The following TANGO2 variants were observed in gnomAD, a reference collection of about 807,000 sequenced individuals.
TANGO2 encodes the protein transport and golgi organization 2 homolog, also known as transport and Golgi organization protein 2 homolog.
Under a neutral mutation model 39.1 loss-of-function variants are expected in TANGO2, and 26 were observed. The ratio of observed to expected loss-of-function variants is 0.67; its 90% CI spans 0.49 to 0.92. The LOEUF is 0.92. Among genes scored for constraint, TANGO2 ranks in the 40% least tolerant of loss-of-function variants. TANGO2 has a pLI of 0.00. For missense variants in TANGO2, 326 were observed against 360.1 expected (o/e 0.91, Z 0.77); for synonymous variants, 131 against 144.5 (o/e 0.91, Z 0.67).
At position 20,061,683 on chromosome 22, in the gene TANGO2, C is replaced by T. The variant is rs2048412055; in HGVS notation, c.605C>T (p.Ala202Val). The T allele has an allele frequency of 1.3e-6, 2 of 1,545,986 alleles. No homozygotes were observed. The highest frequency in any genetic ancestry group is 1.4e-5 in the African/African-American group (1 of 73,088). The change falls in exon 7 of 9, where the codon GCG becomes GTG. Residue 202 changes from alanine to valine, a missense_variant and splice_region_variant. By Grantham distance (64) the Ala-to-Val change is moderately conservative. Transcript: ENST00000327374. ...SLLDVLNNEE[A>V]QLPDPAIEDQ... ...CTGGATGTGCTCAACAATGAAGAGG[C>T]GTGAGTGGGCGGGTCCTGCTGGGGT...
chr22:20,044,798 T>C (rs1384592689), intron 3 of TANGO2, among the ~76,000 whole-genome samples: 1 of 152,180 alleles, frequency 6.6e-6, no homozygotes, highest in Non-Finnish European at 1.5e-5. Context: ...TTTTCATAGA[T>C]GAAGATGTGG....
rs771153031 is a variant in TANGO2, at chr22:20,056,797, C to T, written c.451+784C>T. On this transcript the variant is annotated intron_variant, in intron 6 of 8. Coordinates refer to ENST00000327374, the MANE Select transcript of TANGO2 (RefSeq NM_152906.7). ...ACTGTAGGGACCATAGCCTAGGTTC[C>T]GGGGACTGCTGGCTCACTCACTCCC... 137 of 456,642 alleles carry T rather than the reference C, an allele frequency of 3.0e-4. 3 individuals are homozygous for T. The highest frequency in any genetic ancestry group is 1.9e-3 in the South Asian group (123 of 64,564). The allele number at this position is 456,642 out of a possible 1,614,324, so 28.3% of individuals were successfully genotyped here. A position where few individuals can be genotyped will look rare whatever the true frequency, so the allele number is the denominator to read the frequency against.
intron 1 of TANGO2, among the ~76,000 whole-genome samples, chr22:20,034,452 T>G (rs2042462902): frequency 1.3e-5 from 2 of 152,208 alleles, no homozygotes; most frequent in South Asian, 4.1e-4. Flanking sequence ...CTTTGAAGTA[T>G]AGGATGAAGG....
At chr22:20,017,887 C>T (rs931728369), upstream of TANGO2, among the ~76,000 whole-genome samples, 4 of 152,202 alleles carry the variant, frequency 2.6e-5, no homozygotes, top group Non-Finnish European at 5.9e-5. Context: ...GACCCTGGCT[C>T]ACGCATGCTG....
chr22:20,051,789 G>GC (rs901825568), intron 3 of TANGO2, among the ~76,000 whole-genome samples: 5 of 152,216 alleles, frequency 3.3e-5, no homozygotes, highest in Admixed American at 2.0e-4. Context: ...GGTGGAGGTT[G>GC]CAGTGAACTG....
chr22:20,047,571 A>G (rs781240862), intron 3 of TANGO2, among the ~76,000 whole-genome samples: 4 of 152,054 alleles, frequency 2.6e-5, no homozygotes, highest in Non-Finnish European at 5.9e-5. Context: ...TGGGGGACAA[A>G]CATCCAAACT....
intron 6 of TANGO2, among the ~76,000 whole-genome samples, chr22:20,060,653 A>G (rs1250936961): frequency 1.3e-5 from 2 of 152,108 alleles, no homozygotes; most frequent in African/African-American, 4.8e-5. Flanking sequence ...CATGTTGTTC[A>G]TGATGGAAAA....
rs1448152549 is a variant in TANGO2, at chr22:20,063,362, G to T, written c.630G>T (p.Glu210Asp). 1 of 1,613,504 alleles carries T rather than the reference G, an allele frequency of 6.2e-7. No homozygotes were observed. Among genetic ancestry groups the T allele is most frequent in the Non-Finnish European group, 8.5e-7 (1 of 1,179,902 alleles). ...EEAQLPDPAI[E>D]DQGGEYVQPM... Reference sequence around the variant, plus strand: ...GGCAGCTGCCAGACCCGGCCATCGAGGACCAGGGTGGGGAGTACGTGCAGC... The same window carrying T: ...GGCAGCTGCCAGACCCGGCCATCGATGACCAGGGTGGGGAGTACGTGCAGC... Residue 210 changes from glutamate (E) to aspartate (D), a missense_variant, in exon 8 of 9, where the codon GAG becomes GAT. By Grantham distance (45) the Glu-to-Asp change is conservative (BLOSUM62 2). Coordinates refer to ENST00000327374, the MANE Select transcript of TANGO2 (RefSeq NM_152906.7).
intron 7 of TANGO2, 159 bp downstream of exon 7, chr22:20,061,842 T>A (rs2048448365): frequency 1.1e-6 from 1 of 945,918 alleles, no homozygotes; most frequent in Non-Finnish European, 1.5e-6. Context: ...GCCTGTCCCC[T>A]TGAGCCAGCT....
chr22:20,061,448 G>T (rs557323812), intron 6 of TANGO2, 82 bp from the exon 7 acceptor site: 2 of 1,466,088 alleles, frequency 1.4e-6, no homozygotes, highest in Admixed American at 4.3e-5. Flanking sequence ...GCTGTACCCC[G>T]TGTTAGGTGG....
chr22:20,023,024 G>A (rs916545684), intron 1 of TANGO2, among the ~76,000 whole-genome samples: 1 of 152,214 alleles, frequency 6.6e-6, no homozygotes, highest in African/African-American at 2.4e-5. Flanking sequence ...GATGGGCTCC[G>A]TGAAAACAAG....
At position 20,066,050 on chromosome 22, in the gene TANGO2, TGTG is replaced by T. The variant is rs2049159855; in HGVS notation, c.*1390_*1392del. 6.6e-6 allele frequency: 1 copy of T among 152,352 alleles called. No homozygotes were observed. Among genetic ancestry groups the T allele is most frequent in the Non-Finnish European group, 1.5e-5 (1 of 68,180 alleles). 9.4% of individuals were successfully genotyped at this position (152,352 alleles called of 1,614,324 possible). A position where few individuals can be genotyped will look rare whatever the true frequency, so the allele number is the denominator to read the frequency against. On this transcript the variant is annotated 3_prime_UTR_variant, in exon 9 of 9. Transcript: ENST00000327374. ...TCCTCACGGCTTCTTCAGCACCACA[TGTG>T]GATGCCTGTGGGTCAGTCCATCTGT...
intron 1 of TANGO2, among the ~76,000 whole-genome samples, chr22:20,034,260 A>G (rs1238096133): frequency 6.6e-6 from 1 of 152,082 alleles, no homozygotes; most frequent in Non-Finnish European, 1.5e-5. Flanking sequence ...GCTCTTCATC[A>G]CTTCCTTTGC....
At chr22:20,053,646 G>T in intron 5 of TANGO2, 95 bp downstream of exon 5, 1 of 815,084 alleles carries the variant, frequency 1.2e-6, no homozygotes, top group Non-Finnish European at 2.1e-6. Context: ...TGGGGGCTGT[G>T]GCAGCCTCTC....
At chr22:20,043,527 G>A (rs2044410755) in intron 3 of TANGO2, 84 bp downstream of exon 3, 1 of 942,526 alleles carries the variant, frequency 1.1e-6, no homozygotes, top group Admixed American at 2.0e-5. Context: ...TAACTGAGTG[G>A]TGCTGCTTCC....
chr22:20,021,469 G>A (rs1175787233), intron 1 of TANGO2, among the ~76,000 whole-genome samples: 1 of 152,240 alleles, frequency 6.6e-6, no homozygotes, highest in Non-Finnish European at 1.5e-5. Context: ...GATCGGCAGG[G>A]TTGGGAGCTG....
At chr22:20,048,022 T>C (rs183341119) in intron 3 of TANGO2, 2 of 152,114 alleles carry the variant, frequency 1.3e-5, no homozygotes, top group African/African-American at 4.8e-5. Flanking sequence ...CCTCCCAGGT[T>C]CAAGCAATTC....
chr22:20,051,778 A>C (rs2046387846), intron 3 of TANGO2, among the ~76,000 whole-genome samples: 1 of 152,166 alleles, frequency 6.6e-6, no homozygotes. Flanking sequence ...TGAGCCTGGG[A>C]GGTGGAGGTT....
chr22:20,027,153 G>C (rs1022967750), intron 1 of TANGO2, among the ~76,000 whole-genome samples: 2 of 152,228 alleles, frequency 1.3e-5, no homozygotes, highest in Admixed American at 1.3e-4. Context: ...AGATGGGGGA[G>C]GTGCCACACA....
Sources: allele counts gnomAD v4.1 joint callset (sites outside exome capture counted in the v4.1 genomes callset), GRCh38; gene constraint gnomAD v4.1.1; transcripts MANE v1.5; gene names NCBI Gene and HGNC (gene_info 2026-07-23, HGNC 2026-07-21).